The following CADM2 variants were observed in gnomAD, a reference collection of about 807,000 sequenced individuals.
The protein encoded by CADM2 is immunoglobulin superfamily member 4D.
Under a neutral mutation model 49.8 loss-of-function variants are expected in CADM2, and 12 were observed. That is an observed-to-expected ratio of 0.24 (90% CI 0.15 to 0.39). The LOEUF is 0.39. CADM2 is among the 10% of genes least tolerant of loss of function. The pLI is 1.00. For synonymous variants in CADM2, 214 were observed against 175.4 expected (o/e 1.22, Z -1.74); for missense variants, 378 against 492.3 (o/e 0.77, Z 2.20).
At chr3:85,996,241 TA>T in intron 8 of CADM2, among the ~76,000 whole-genome samples, 1 of 151,102 alleles carries the variant, frequency 6.6e-6, no homozygotes, top group East Asian at 1.9e-4. Context: ...CATTACTTAT[TA>T]AAGCCTGAAA....
chr3:85,571,407 A>G (rs1196352822), intron 1 of CADM2, among the ~76,000 whole-genome samples: 1 of 104,596 alleles, frequency 9.6e-6, no homozygotes, highest in Non-Finnish European at 2.4e-5. Context: ...AATTGTCCAG[A>G]TGTTTTTTTT....
At chr3:85,718,152 G>A (rs972687811) in intron 1 of CADM2, among the ~76,000 whole-genome samples, 6 of 152,104 alleles carry the variant, frequency 3.9e-5, no homozygotes, top group Admixed American at 3.3e-4. Context: ...ATTCTGAAGT[G>A]TGTATATTAT....
At chr3:85,825,143 C>T (rs758682667) in intron 3 of CADM2, among the ~76,000 whole-genome samples, 17 of 152,022 alleles carry the variant, frequency 1.1e-4, no homozygotes, top group Non-Finnish European at 1.9e-4. Context: ...TTGATCTAAG[C>T]ATCTGAGAAC....
At chr3:85,421,934 C>A (rs2036191592) in intron 1 of CADM2, among the ~76,000 whole-genome samples, 1 of 152,216 alleles carries the variant, frequency 6.6e-6, no homozygotes, top group Admixed American at 6.5e-5. Context: ...AAAAAGGAGA[C>A]AGACAAAAAC....
At chr3:85,768,688 T>A (rs983108017) in intron 2 of CADM2, among the ~76,000 whole-genome samples, 1 of 146,206 alleles carries the variant, frequency 6.8e-6, no homozygotes, top group Non-Finnish European at 1.5e-5. Context: ...TATATACACA[T>A]ATATAGTATA....
At chr3:85,519,771 A>AT (rs1393772354) in intron 1 of CADM2, among the ~76,000 whole-genome samples, 1 of 152,092 alleles carries the variant, frequency 6.6e-6, no homozygotes, top group Admixed American at 6.5e-5. Context: ...AGCTACATTG[A>AT]TTTTCTATTC....
chr3:85,205,480 AT>A (rs2041610066), intron 1 of CADM2, among the ~76,000 whole-genome samples: 1 of 152,176 alleles, frequency 6.6e-6, no homozygotes, highest in Non-Finnish European at 1.5e-5. Context: ...AGTTCTATCT[AT>A]ATAGAAAATC....
intron 1 of CADM2, among the ~76,000 whole-genome samples, chr3:84,979,993 G>T (rs1475855660): frequency 6.6e-6 from 1 of 152,054 alleles, no homozygotes; most frequent in Non-Finnish European, 1.5e-5. Flanking sequence ...TGTTAAGAAA[G>T]CCAAATACCT....
At chr3:85,239,778 A>T (rs1056124719) in intron 1 of CADM2, among the ~76,000 whole-genome samples, 1 of 151,404 alleles carries the variant, frequency 6.6e-6, no homozygotes, top group Non-Finnish European at 1.5e-5. Context: ...TTCTTTAAAA[A>T]TTATTTTATA....
At chr3:85,297,563 G>A (rs2043996818) in intron 1 of CADM2, among the ~76,000 whole-genome samples, 1 of 152,026 alleles carries the variant, frequency 6.6e-6, no homozygotes, top group Non-Finnish European at 1.5e-5. Context: ...AAGCAGCTGA[G>A]CTTTAAGGCA....
chr3:85,120,753 CCACCATGG>C (rs1415332412), intron 1 of CADM2, among the ~76,000 whole-genome samples: 1 of 151,944 alleles, frequency 6.6e-6, no homozygotes, highest in Non-Finnish European at 1.5e-5. Context: ...CTGCAGCAAA[CCACCATGG>C]CACGTGTATA....
chr3:86,066,560 G>T, intron 9 of CADM2, 105 bp from the exon 10 acceptor site: 2 of 790,740 alleles, frequency 2.5e-6, no homozygotes, highest in Admixed American at 2.0e-5. Context: ...TAGCATATTA[G>T]GTCTCAAAAA....
chr3:85,247,831 G>T (rs2042684394), intron 1 of CADM2, among the ~76,000 whole-genome samples: 1 of 152,066 alleles, frequency 6.6e-6, no homozygotes, highest in African/African-American at 2.4e-5. Context: ...ACAAATACTT[G>T]CCAGGCATGT....
At chr3:85,334,908 G>T (rs935410518) in intron 1 of CADM2, among the ~76,000 whole-genome samples, 10 of 151,144 alleles carry the variant, frequency 6.6e-5, no homozygotes, top group African/African-American at 2.2e-4. Flanking sequence ...CCCCAAAATA[G>T]ATTCTCATTA....
intron 8 of CADM2, among the ~76,000 whole-genome samples, chr3:86,042,256 CA>C (rs1182744956): frequency 6.6e-6 from 1 of 151,894 alleles, no homozygotes. Context: ...AATAGAGACA[CA>C]AAAAACCCTT....
At chr3:85,178,263 G>A (rs1448868863) in intron 1 of CADM2, among the ~76,000 whole-genome samples, 1 of 151,758 alleles carries the variant, frequency 6.6e-6, no homozygotes, top group Admixed American at 6.6e-5. Context: ...AAAGAAATAT[G>A]ATCTACAGAA....
intron 1 of CADM2, among the ~76,000 whole-genome samples, chr3:85,677,604 AG>A (rs1484666178): frequency 6.6e-6 from 1 of 152,200 alleles, no homozygotes; most frequent in Admixed American, 6.5e-5. Context: ...GATAAAATAA[AG>A]AATTATTTTT....
intron 1 of CADM2, among the ~76,000 whole-genome samples, chr3:85,061,933 C>G (rs996014909): frequency 2.6e-5 from 4 of 151,222 alleles, no homozygotes; most frequent in Non-Finnish European, 4.4e-5. Context: ...TAAAAACATA[C>G]TATCAGAAAG....
At chr3:85,000,553 A>G (rs1323403098) in intron 1 of CADM2, among the ~76,000 whole-genome samples, 1 of 152,128 alleles carries the variant, frequency 6.6e-6, no homozygotes, top group Non-Finnish European at 1.5e-5. Flanking sequence ...ATGCCTTCAT[A>G]CAAATTGTTG....
Sources: gnomAD v4.1 joint callset for allele counts (sites outside exome capture counted in the v4.1 genomes callset) on GRCh38, gnomAD v4.1.1 for gene constraint, MANE v1.5 for transcripts, NCBI Gene and HGNC (gene_info 2026-07-23, HGNC 2026-07-21) for gene names.